RAB23: variants seen among roughly 807,000 people sequenced by gnomAD.
RAB23 encodes RAB23, member RAS oncogene family.
RAB23 carries 15 observed loss-of-function variants against 30.0 expected under a neutral mutation model. The ratio of observed to expected loss-of-function variants is 0.50; its 90% CI spans 0.33 to 0.77. RAB23 has a LOEUF of 0.77. Ranked by LOEUF, RAB23 falls within the 30% of genes least tolerant of loss-of-function variation. The pLI, the probability that RAB23 is intolerant of heterozygous loss-of-function variation, is 0.02. For missense variants in RAB23, 243 were observed against 275.4 expected, an observed-to-expected ratio of 0.88 and a Z score of 0.83; for synonymous variants, 93 against 94.0, an observed-to-expected ratio of 0.99 and a Z score of 0.06.
intron 3 of RAB23, among the ~76,000 whole-genome samples, chr6:57,201,729 G>A (rs1417428077): frequency 1.3e-5 from 2 of 152,146 alleles, no homozygotes; most frequent in Non-Finnish European, 2.9e-5. Flanking sequence ...ACCAAAAAGA[G>A]TAGAAGGAAA....
intron 2 of RAB23, among the ~76,000 whole-genome samples, chr6:57,209,065 C>T (rs1197925720): frequency 1.3e-5 from 2 of 152,078 alleles, no homozygotes; most frequent in Non-Finnish European, 2.9e-5. Flanking sequence ...CACTTAGGAG[C>T]CTTCTTAAAC....
chr6:57,218,982 A>G (rs2128008721), intron 1 of RAB23, among the ~76,000 whole-genome samples: 1 of 152,360 alleles, frequency 6.6e-6, no homozygotes, highest in East Asian at 1.9e-4. Flanking sequence ...TCATACATGA[A>G]GTTCTAGTCA....
At chr6:57,203,346 T>C (rs1334823852) in intron 3 of RAB23, among the ~76,000 whole-genome samples, 2 of 152,186 alleles carry the variant, frequency 1.3e-5, no homozygotes, top group African/African-American at 4.8e-5. Flanking sequence ...ATGTCAAATA[T>C]ATTCTCTAAA....
rs765954442 is a variant in RAB23 at position 57,193,861 on chromosome 6, A to G, written c.555T>C (p.His185=). ...QQIAEDPELT[H]SSSNKIGVFN... is the part of the protein sequence containing the mutation. ...ACTTACCAATCTTGTTACTACTTGA[A>G]TGCGTTAGTTCTGGATCCTCAGCTA... The change falls in exon 6 of 7, where the codon CAT becomes CAC. Residue 185 remains histidine (H), a synonymous_variant. Coordinates refer to ENST00000468148, the MANE Select transcript of RAB23 (RefSeq NM_016277.5). 6 of 1,612,952 alleles carry G rather than the reference A, an allele frequency of 3.7e-6. No homozygotes were observed. The highest frequency in any genetic ancestry group is 4.2e-6 in the Non-Finnish European group (5 of 1,179,308).
At chr6:57,206,483 A>G (rs1349392831) in intron 3 of RAB23, among the ~76,000 whole-genome samples, 1 of 152,146 alleles carries the variant, frequency 6.6e-6, no homozygotes, top group Non-Finnish European at 1.5e-5. Flanking sequence ...TAATCCAAAC[A>G]ATTATGGAGA....
At chr6:57,210,808 CAAT>C (rs1765626740) in intron 1 of RAB23, among the ~76,000 whole-genome samples, 1 of 152,174 alleles carries the variant, frequency 6.6e-6, no homozygotes, top group Non-Finnish European at 1.5e-5. Flanking sequence ...TGTTTCCTGG[CAAT>C]AATATCCATC....
At chr6:57,208,094 G>A (rs188941216) in intron 2 of RAB23, among the ~76,000 whole-genome samples, 1 of 152,270 alleles carries the variant, frequency 6.6e-6, no homozygotes, top group Admixed American at 6.5e-5. Context: ...GTTTCACCCT[G>A]AAAAACTGAG....
In RAB23 at chr6:57,193,880, T is replaced by G. The variant is rs150440590; in HGVS notation, c.536A>C (p.Glu179Ala). Residue 179 changes from glutamate to alanine, a missense_variant, in exon 6 of 7, where the codon GAG becomes GCG. Glu to Ala is a moderately radical substitution (Grantham distance 107). Coordinates refer to ENST00000468148, the MANE Select transcript of RAB23 (RefSeq NM_016277.5). The stretch of plus-strand genomic sequence containing the variant: ...ACTTGAATGCGTTAGTTCTGGATCC[T>G]CAGCTATTTGTTGTTTGAGTTTCTG... ...YLQKLKQQIA[E>A]DPELTHSSSN... 1,448 of 1,613,052 alleles carry G rather than the reference T, an allele frequency of 9.0e-4. 2 individuals carry two copies. The highest frequency in any genetic ancestry group is 1.1e-3 in the Non-Finnish European group (1,322 of 1,179,348).
Position 57,190,212 on chromosome 6 carries a change from T to C in RAB23, c.*249A>G. ...CCTGTGTTTGAAATTTCTTATAGCA[T>C]TCCTTTACAAACAGGAGAAGCTTCG... is the stretch of plus-strand genomic sequence containing the variant. On this transcript the variant is annotated 3_prime_UTR_variant, in exon 7 of 7. Transcript: ENST00000468148. 2.3e-6 allele frequency: 1 copy of C among 437,648 alleles called. No homozygotes were observed. 27.1% of individuals were successfully genotyped at this position (437,648 alleles called of 1,614,324 possible). A position where few individuals can be genotyped will look rare whatever the true frequency, so the allele number is the denominator to read the frequency against.
At chr6:57,218,725 G>A (rs999847566) in intron 1 of RAB23, among the ~76,000 whole-genome samples, 2 of 151,886 alleles carry the variant, frequency 1.3e-5, no homozygotes, top group Admixed American at 6.6e-5. Flanking sequence ...GGGGTTGCTC[G>A]CCTGTAATCC....
At chr6:57,200,118 A>G (rs960191574) in intron 3 of RAB23, among the ~76,000 whole-genome samples, 2 of 152,136 alleles carry the variant, frequency 1.3e-5, no homozygotes, top group Admixed American at 1.3e-4. Context: ...GAGACAGATC[A>G]TTATTTGCAG....
At chr6:57,193,023 A>C (rs1764899141) in intron 6 of RAB23, among the ~76,000 whole-genome samples, 1 of 152,192 alleles carries the variant, frequency 6.6e-6, no homozygotes, top group African/African-American at 2.4e-5. Context: ...ATTGAAGAGA[A>C]TCTGCATTTA....
chr6:57,189,273 G>GTGA lies in RAB23; in HGVS notation c.*1185_*1187dup, dbSNP rs1764738673. 1.3e-5 allele frequency: 2 copies of GTGA among 152,282 alleles called. No individual in the cohort carries two copies. The highest frequency in any genetic ancestry group is 4.8e-5 in the African/African-American group (2 of 41,558). 9.4% of individuals were successfully genotyped at this position (152,282 alleles called of 1,614,324 possible). On this transcript the variant is annotated 3_prime_UTR_variant, in exon 7 of 7. Coordinates refer to ENST00000468148, the MANE Select transcript of RAB23 (RefSeq NM_016277.5). ...CAAACAAGGTTATAGAAATGTTGAA[G>GTGA]TGATTGATAATCTTAAAATACCATA...
At position 57,210,261 on chromosome 6, in the gene RAB23, T is replaced by C; in HGVS notation, c.120A>G (p.Lys40=). 6.2e-7 allele frequency: 1 copy of C among 1,614,094 alleles called. No individual in the cohort carries two copies. Among genetic ancestry groups the C allele is most frequent in the African/African-American group, 1.3e-5 (1 of 75,074 alleles). Residue 40 remains lysine (K), a synonymous_variant, in exon 2 of 7, where the codon AAA becomes AAG. Coordinates refer to ENST00000468148, the MANE Select transcript of RAB23 (RefSeq NM_016277.5). ...GCTCCAAAAAATCAACTCCAATGGT[T>C]TTCTTGTAGTCTTTTGTAAAAATGC... ...CKGIFTKDYK[K]TIGVDFLERQ...
rs1220358703 is a variant in RAB23, at chr6:57,222,145, T to C, written c.-485A>G. 1 of 152,234 alleles carries C rather than the reference T, an allele frequency of 6.6e-6. No homozygotes were observed. Among genetic ancestry groups the C allele is most frequent in the African/African-American group, 2.4e-5 (1 of 41,468 alleles). 9.4% of individuals were successfully genotyped at this position (152,234 alleles called of 1,614,324 possible). The stretch of plus-strand genomic sequence containing the variant: ...TCTCCCTGCGGGGCCGAGCGGCTAG[T>C]TCGCACCCTCTTTCGCTCTCTTAAG... On this transcript the variant is annotated 5_prime_UTR_variant, in exon 1 of 7. Coordinates refer to ENST00000468148, the MANE Select transcript of RAB23 (RefSeq NM_016277.5).
intron 6 of RAB23, 136 bp from the exon 7 acceptor site, chr6:57,190,736 T>G (rs1170450217): frequency 1.7e-6 from 2 of 1,163,874 alleles, no homozygotes; most frequent in Non-Finnish European, 2.5e-6. Flanking sequence ...CCAACAAAAT[T>G]TAGCATCTTA....
At chr6:57,205,009 C>A (rs1765401173) in intron 3 of RAB23, among the ~76,000 whole-genome samples, 2 of 151,104 alleles carry the variant, frequency 1.3e-5, no homozygotes, top group Non-Finnish European at 3.0e-5. Flanking sequence ...GACATGTTTA[C>A]ATAGATACAT....
intron 5 of RAB23, 77 bp from the exon 6 acceptor site, chr6:57,194,011 T>C: frequency 4.6e-6 from 7 of 1,532,098 alleles, no homozygotes; most frequent in Non-Finnish European, 6.2e-6. Flanking sequence ...TCATTTGTAA[T>C]ATTTATACTT....
At chr6:57,200,951 G>A (rs1403004408) in intron 3 of RAB23, among the ~76,000 whole-genome samples, 2 of 152,104 alleles carry the variant, frequency 1.3e-5, no homozygotes, top group Non-Finnish European at 2.9e-5. Flanking sequence ...ACTAAAATAT[G>A]GCACCTTGAC....
Sources: allele counts gnomAD v4.1 joint callset (sites outside exome capture counted in the v4.1 genomes callset), GRCh38; gene constraint gnomAD v4.1.1; transcripts MANE v1.5; gene names NCBI Gene and HGNC (gene_info 2026-07-23, HGNC 2026-07-21).